Variants in ANO6 observed in about 807,000 individuals in gnomAD.
The protein encoded by ANO6 is anoctamin-6.
Under a neutral mutation model 117.5 loss-of-function variants are expected in ANO6, and 106 were observed. The observed-to-expected ratio is 0.90, with a 90% CI of 0.77 to 1.06. The LOEUF (loss-of-function observed/expected upper bound fraction) is 1.06. ANO6 is among the 50% of genes least tolerant of loss of function. ANO6 has a pLI of 0.00. For synonymous variants in ANO6, 367 were observed against 385.1 expected, an observed-to-expected ratio of 0.95 and a Z score of 0.55; for missense variants, 955 against 1,121.1, an observed-to-expected ratio of 0.85 and a Z score of 2.12.
chr12:45,270,579 G>A (rs955285642), intron 1 of ANO6: 5 of 573,434 alleles, frequency 8.7e-6, no homozygotes, highest in African/African-American at 5.7e-5. Context: ...TTTCCCCTCC[G>A]ACTGTCAGTT....
chr12:45,398,413 C>T (rs185091802), intron 12 of ANO6, among the ~76,000 whole-genome samples: 1 of 152,330 alleles, frequency 6.6e-6, no homozygotes, highest in East Asian at 1.9e-4. Context: ...TACTCCAATA[C>T]AAGACTATTG....
intron 8 of ANO6, among the ~76,000 whole-genome samples, chr12:45,367,064 C>T (rs1941703732): frequency 6.6e-6 from 1 of 152,200 alleles, no homozygotes; most frequent in Non-Finnish European, 1.5e-5. Context: ...TCACTGCAAC[C>T]TCCACCTCCC....
Position 45,432,299 on chromosome 12 carries a change from A to G in ANO6, c.*2988A>G. 1.1e-6 allele frequency: 1 copy of G among 913,774 alleles called. No individual in the cohort carries two copies. The highest frequency in any genetic ancestry group is 1.3e-6 in the Non-Finnish European group (1 of 765,530). The allele number at this position is 913,774 out of a possible 1,614,324, so 56.6% of individuals were successfully genotyped here. On this transcript the variant is annotated 3_prime_UTR_variant, in exon 20 of 20. Transcript: ENST00000320560. ...ATTAATGTTAATTTCTGTGCATTTT[A>G]ATATTCTTTTATAATTATGAGCATT... is the stretch of plus-strand genomic sequence containing the variant.
intron 12 of ANO6, among the ~76,000 whole-genome samples, chr12:45,399,609 T>C (rs1445681157): frequency 6.6e-6 from 1 of 152,194 alleles, no homozygotes; most frequent in Non-Finnish European, 1.5e-5. Flanking sequence ...TGTCAATCCC[T>C]GGATCAGTTG....
chr12:45,326,318 A>G (rs930802571), intron 2 of ANO6, among the ~76,000 whole-genome samples: 3 of 152,234 alleles, frequency 2.0e-5, no homozygotes, highest in Non-Finnish European at 4.4e-5. Flanking sequence ...AGGACTAGTT[A>G]TAGCCATTTA....
At chr12:45,345,018 G>C (rs1311822073) in intron 3 of ANO6, among the ~76,000 whole-genome samples, 1 of 152,086 alleles carries the variant, frequency 6.6e-6, no homozygotes, top group East Asian at 1.9e-4. Flanking sequence ...ACCCCTATCT[G>C]AGTGGGGCAT....
chr12:45,222,863 C>T (rs562675590), intron 1 of ANO6, among the ~76,000 whole-genome samples: 13 of 152,348 alleles, frequency 8.5e-5, no homozygotes, highest in African/African-American at 3.1e-4. Context: ...ACAGGCCTTG[C>T]TGGGTTTCCC....
At chr12:45,412,489 G>C (rs867016013) in intron 16 of ANO6, among the ~76,000 whole-genome samples, 2 of 152,022 alleles carry the variant, frequency 1.3e-5, no homozygotes, top group Non-Finnish European at 2.9e-5. Context: ...GCAGCTCCTC[G>C]TACCCCTTTC....
At chr12:45,345,018 G>GGA (rs1342927944) in intron 3 of ANO6, among the ~76,000 whole-genome samples, 1 of 152,086 alleles carries the variant, frequency 6.6e-6, no homozygotes, top group African/African-American at 2.4e-5. Context: ...ACCCCTATCT[G>GGA]AGTGGGGCAT....
In ANO6 at chr12:45,288,922, A is replaced by AT. The variant is rs886208645; in HGVS notation, c.71-13082dup. Among the ~76,000 whole-genome samples, 1,342 of 146,646 alleles carry AT rather than the reference A, an allele frequency of 9.2e-3. 7 individuals are homozygous for AT. The highest frequency in any genetic ancestry group is 0.014 in the Middle Eastern group (4 of 278). Reference sequence around the variant, plus strand: ...GCCACCACGCCCGGCTAATTTTTGTATTTTTTTTTTAGTAGAGACAGGGTT... The same window carrying AT: ...GCCACCACGCCCGGCTAATTTTTGTATTTTTTTTTTTAGTAGAGACAGGGTT... On this transcript the variant is annotated intron_variant, in intron 1 of 19. Transcript: ENST00000320560.
rs1176599863 is a variant in ANO6 at position 45,391,892 on chromosome 12, G to A, written c.1386+1394G>A. On this transcript the variant is annotated intron_variant, in intron 12 of 19. Transcript: ENST00000320560. ...TGTTAAAAAGGAAGTTGCCAAGATG[G>A]CCAAATAGGAACAGCTCCCATCTGC... Among the ~76,000 whole-genome samples, 7 of 152,142 alleles carry A rather than the reference G, an allele frequency of 4.6e-5. No individual in the cohort carries two copies. In the East Asian group the frequency reaches 5.8e-4, roughly 13 times the overall value.
chr12:45,390,244 GT>G (rs1942406814), intron 11 of ANO6, among the ~76,000 whole-genome samples, 176 bp from the exon 12 acceptor site: 1 of 152,204 alleles, frequency 6.6e-6, no homozygotes. Flanking sequence ...CACTGCACAT[GT>G]TTTGTGATGT....
Position 45,429,355 on chromosome 12 carries a change from CA to C in ANO6, c.*48del. The stretch of plus-strand genomic sequence containing the variant: ...AGCACTTTAAGGAATTTAGCTTTGT[CA>C]AAATATATTAGGAATCACTAATGAG... On this transcript the variant is annotated 3_prime_UTR_variant, in exon 20 of 20. Transcript: ENST00000320560. 1 of 1,596,610 alleles carries C rather than the reference CA, an allele frequency of 6.3e-7. No individual in the cohort carries two copies. Among genetic ancestry groups the C allele is most frequent in the East Asian group, 2.3e-5 (1 of 43,686 alleles).
chr12:45,216,888 C>G (rs964015470), intron 1 of ANO6, among the ~76,000 whole-genome samples: 1 of 152,134 alleles, frequency 6.6e-6, no homozygotes, highest in African/African-American at 2.4e-5. Flanking sequence ...CCTGGCGGGG[C>G]GGCCCCGGGA....
chr12:45,426,001 A>G lies in ANO6; in HGVS notation c.2526+2939A>G, dbSNP rs199636496. Among the ~76,000 whole-genome samples the G allele has an allele frequency of 1.1e-4, 17 of 152,316 alleles. No individual in the cohort carries two copies. The East Asian group carries it at 2.9e-3, about 26-fold the overall frequency. ...TTCTAACAAAACCAGTGTTTTTTCTAATCAATGCTGTAACGAAACAGCATT... is the reference window on the plus strand; with the variant it reads ...TTCTAACAAAACCAGTGTTTTTTCTGATCAATGCTGTAACGAAACAGCATT... On this transcript the variant is annotated intron_variant, in intron 19 of 19. Coordinates refer to ENST00000320560, the MANE Select transcript of ANO6 (RefSeq NM_001025356.3).
chr12:45,431,905 T>C lies in ANO6; in HGVS notation c.*2594T>C, dbSNP rs1943641047. On this transcript the variant is annotated 3_prime_UTR_variant, in exon 20 of 20. Transcript: ENST00000320560. Reference sequence around the variant, plus strand: ...TAGCATATTGAAACATTAGAGCAAATACTCAGGGGATTTTTCATTAAACAT... The same window carrying C: ...TAGCATATTGAAACATTAGAGCAAACACTCAGGGGATTTTTCATTAAACAT... 1.0e-6 allele frequency: 1 copy of C among 985,314 alleles called. No individual in the cohort carries two copies. The highest frequency in any genetic ancestry group is 1.7e-5 in the African/African-American group (1 of 57,258). 61.0% of individuals were successfully genotyped at this position (985,314 alleles called of 1,614,324 possible). A position where few individuals can be genotyped will look rare whatever the true frequency, so the allele number is the denominator to read the frequency against.
intron 3 of ANO6, among the ~76,000 whole-genome samples, chr12:45,341,293 T>G (rs1940973029): frequency 6.6e-6 from 1 of 152,142 alleles, no homozygotes. Context: ...CTTTAACAAT[T>G]TTACTTTTAG....
intron 1 of ANO6, among the ~76,000 whole-genome samples, chr12:45,244,495 T>C (rs1359219737): frequency 6.6e-6 from 1 of 151,972 alleles, no homozygotes; most frequent in African/African-American, 2.4e-5. Flanking sequence ...TGTGTTTATT[T>C]ATGTACTCGC....
At position 45,429,107 on chromosome 12, in the gene ANO6, C is replaced by T. The variant is rs772053672; in HGVS notation, c.2529C>T (p.His843=). 1.7e-5 allele frequency: 28 copies of T among 1,613,122 alleles called. No individual in the cohort carries two copies. The highest frequency in any genetic ancestry group is 8.3e-5 in the Admixed American group (5 of 59,960). ...AKLAFIIVME[H]VIYSVKFFIS... is the part of the protein sequence containing the mutation. ...ATTTTTCTTCTTCTCTTCCCCAGCA[C>T]GTCATCTACTCTGTGAAATTTTTCA... Residue 843 remains histidine (H), a splice_region_variant and synonymous_variant, in exon 20 of 20, where the codon CAC becomes CAT. Transcript: ENST00000320560.
Sources: allele counts gnomAD v4.1 joint callset (sites outside exome capture counted in the v4.1 genomes callset), GRCh38; gene constraint gnomAD v4.1.1; transcripts MANE v1.5; gene names NCBI Gene and HGNC (gene_info 2026-07-23, HGNC 2026-07-21).